Variants in BTBD9 observed in about 807,000 individuals in gnomAD.
The protein encoded by BTBD9 is BTB/POZ domain-containing protein 9.
BTBD9 carries 49 observed loss-of-function variants against 64.3 expected under a neutral mutation model. The observed-to-expected ratio is 0.76, with a 90% CI of 0.61 to 0.97. The LOEUF (loss-of-function observed/expected upper bound fraction) is 0.97. BTBD9 is among the 50% of genes least tolerant of loss of function. BTBD9 has a pLI of 0.00. For synonymous variants in BTBD9, 260 were observed against 274.7 expected, an observed-to-expected ratio of 0.95 and a Z score of 0.53; for missense variants, 598 against 762.1, an observed-to-expected ratio of 0.78 and a Z score of 2.53.
intron 8 of BTBD9, among the ~76,000 whole-genome samples, chr6:38,274,106 G>T (rs146221659): frequency 6.6e-6 from 1 of 152,222 alleles, no homozygotes; most frequent in Non-Finnish European, 1.5e-5. Context: ...TCCCTTGTAC[G>T]TTGGATTCCT....
chr6:38,413,518 C>T (rs1313728898), intron 6 of BTBD9, among the ~76,000 whole-genome samples: 1 of 152,202 alleles, frequency 6.6e-6, no homozygotes, highest in Non-Finnish European at 1.5e-5. Context: ...CATCTTTTCT[C>T]AGCAGGCTTA....
intron 7 of BTBD9, among the ~76,000 whole-genome samples, chr6:38,301,437 A>G (rs1468717906): frequency 1.3e-5 from 2 of 152,196 alleles, no homozygotes; most frequent in East Asian, 3.8e-4. Flanking sequence ...AAGGAATGGT[A>G]CCAGCTCCTC....
At chr6:38,198,888 C>T (rs1762359553) in intron 9 of BTBD9, among the ~76,000 whole-genome samples, 1 of 152,236 alleles carries the variant, frequency 6.6e-6, no homozygotes, top group African/African-American at 2.4e-5. Context: ...TGTCTCTCTG[C>T]ATCGGCACCT....
intron 6 of BTBD9, among the ~76,000 whole-genome samples, chr6:38,573,489 A>G (rs1775876508): frequency 6.6e-6 from 1 of 152,154 alleles, no homozygotes; most frequent in African/African-American, 2.4e-5. Context: ...TGTCTCCAGT[A>G]AACAACGCTC....
At chr6:38,420,160 A>C (rs181232418) in intron 6 of BTBD9, among the ~76,000 whole-genome samples, 68 of 152,330 alleles carry the variant, frequency 4.5e-4, no homozygotes, top group African/African-American at 1.6e-3. Flanking sequence ...AATACTAATA[A>C]TGCCAATTTT....
At chr6:38,299,727 G>C (rs1050616125) in intron 7 of BTBD9, among the ~76,000 whole-genome samples, 3 of 152,060 alleles carry the variant, frequency 2.0e-5, no homozygotes, top group African/African-American at 7.2e-5. Flanking sequence ...TTGTAAATTT[G>C]TTGGAGTTCA....
intron 5 of BTBD9, 139 bp from the exon 6 acceptor site, chr6:38,577,858 CA>C (rs1369217185): frequency 2.5e-6 from 2 of 785,436 alleles, no homozygotes; most frequent in Non-Finnish European, 4.0e-6. Flanking sequence ...ATTCTAATAA[CA>C]AAAGAATGTT....
intron 6 of BTBD9, among the ~76,000 whole-genome samples, chr6:38,490,801 T>C (rs1202013403): frequency 6.6e-6 from 1 of 152,118 alleles, no homozygotes; most frequent in Non-Finnish European, 1.5e-5. Context: ...CCTTTTGACA[T>C]GTGGCTTATA....
chr6:38,583,822 G>C (rs1463203933), intron 4 of BTBD9, among the ~76,000 whole-genome samples: 1 of 152,148 alleles, frequency 6.6e-6, no homozygotes, highest in Non-Finnish European at 1.5e-5. Flanking sequence ...ATCTACACAA[G>C]TGGAAATTCT....
Position 38,501,288 on chromosome 6 carries a change from C to T in BTBD9, c.1154+76312G>A, listed in dbSNP as rs1464782029. On this transcript the variant is annotated intron_variant, in intron 6 of 10. Transcript: ENST00000481247. Reference sequence around the variant, plus strand: ...GCCAACATGATGAGCAAAGAAAATGCTCATTGGAGCATTTCAGATTTCAGG... The same window carrying T: ...GCCAACATGATGAGCAAAGAAAATGTTCATTGGAGCATTTCAGATTTCAGG... 3.9e-5 allele frequency among the ~76,000 whole-genome samples: 6 copies of T among 152,098 alleles called. 1 individual carries two copies. Among genetic ancestry groups the T allele is most frequent in the Admixed American group, 1.3e-4 (2 of 15,260 alleles).
chr6:38,587,823 T>A, intron 4 of BTBD9: 1 of 716,528 alleles, frequency 1.4e-6, no homozygotes, highest in Non-Finnish European at 2.7e-6. Context: ...TGGCAGCAAG[T>A]ATGTCAGCTT....
intron 6 of BTBD9, among the ~76,000 whole-genome samples, chr6:38,513,490 A>T (rs1772869039): frequency 1.3e-5 from 2 of 151,788 alleles, no homozygotes; most frequent in Admixed American, 6.6e-5. Context: ...CACCTTGGTT[A>T]AAAAAAATCC....
intron 8 of BTBD9, among the ~76,000 whole-genome samples, chr6:38,286,560 A>C (rs1482735353): frequency 6.6e-6 from 1 of 152,154 alleles, no homozygotes; most frequent in African/African-American, 2.4e-5. Flanking sequence ...TTAGCCCTTC[A>C]GAGACCTTCT....
At chr6:38,455,791 C>G (rs916406859) in intron 6 of BTBD9, among the ~76,000 whole-genome samples, 3 of 152,216 alleles carry the variant, frequency 2.0e-5, no homozygotes, top group Non-Finnish European at 4.4e-5. Context: ...TCACCGCAAC[C>G]TCCACCTCCT....
chr6:38,239,636 G>C (rs1763925094), intron 9 of BTBD9, among the ~76,000 whole-genome samples: 1 of 151,978 alleles, frequency 6.6e-6, no homozygotes, highest in Non-Finnish European at 1.5e-5. Context: ...GGCTACTCTG[G>C]AGCCAATATA....
intron 7 of BTBD9, 53 bp from the exon 8 acceptor site, chr6:38,288,514 C>T (rs1204915561): frequency 3.1e-5 from 45 of 1,460,556 alleles, no homozygotes; most frequent in Non-Finnish European, 4.0e-5. Flanking sequence ...CCAAATATAT[C>T]TCTATAGTGT....
At chr6:38,267,750 C>A (rs1408526573) in intron 8 of BTBD9, among the ~76,000 whole-genome samples, 1 of 152,164 alleles carries the variant, frequency 6.6e-6, no homozygotes, top group Non-Finnish European at 1.5e-5. Context: ...CCATCTCTGC[C>A]TAACATGGTG....
intron 6 of BTBD9, among the ~76,000 whole-genome samples, chr6:38,545,075 T>G (rs1018264889): frequency 6.6e-6 from 1 of 151,894 alleles, no homozygotes; most frequent in African/African-American, 2.4e-5. Context: ...AGATGAGGAA[T>G]GACTGGACAG....
chr6:38,420,046 GA>G (rs796495395), intron 6 of BTBD9, among the ~76,000 whole-genome samples: 19 of 151,064 alleles, frequency 1.3e-4, no homozygotes, highest in African/African-American at 4.6e-4. Context: ...TACAAATTCT[GA>G]AAAAAAACAC....
Sources: gnomAD v4.1 joint callset for allele counts (sites outside exome capture counted in the v4.1 genomes callset) on GRCh38, gnomAD v4.1.1 for gene constraint, MANE v1.5 for transcripts, NCBI Gene and HGNC (gene_info 2026-07-23, HGNC 2026-07-21) for gene names.